Variants in LASP1 observed in about 807,000 individuals in gnomAD.
LASP1 encodes the protein LIM and SH3 domain protein 1.
A neutral mutation model predicts 38.6 loss-of-function variants in LASP1; 10 were observed. The ratio of observed to expected loss-of-function variants is 0.26; its 90% CI spans 0.16 to 0.44. The LOEUF (loss-of-function observed/expected upper bound fraction) is 0.44, where lower values mean the gene tolerates loss of function less well. Ranked by LOEUF, LASP1 falls within the 20% of genes least tolerant of loss-of-function variation. LASP1 has a pLI of 1.00. For synonymous variants in LASP1, 132 were observed against 140.8 expected (o/e 0.94, Z 0.44); for missense variants, 243 against 375.7 (o/e 0.65, Z 2.92).
At position 38,870,234 on chromosome 17, in the gene LASP1, G is replaced by T; in HGVS notation, c.45G>T (p.Thr15=). Residue 15 remains threonine (T), a synonymous_variant, in exon 1 of 7, where the codon ACG becomes ACT. Transcript: ENST00000318008. ...GGTGCGGCAAGATCGTGTATCCCACGGAGAAGGTGAACTGTCTGGATAAGG... is the reference window on the plus strand; with the variant it reads ...GGTGCGGCAAGATCGTGTATCCCACTGAGAAGGTGAACTGTCTGGATAAGG... ...CARCGKIVYP[T]EKVNCLDKFW... The T allele has an allele frequency of 6.2e-7, 1 of 1,613,804 alleles. No individual in the cohort carries two copies. Among genetic ancestry groups the T allele is most frequent in the Admixed American group, 1.7e-5 (1 of 59,960 alleles).
chr17:38,913,646 G>T (rs1915020260), intron 4 of LASP1, among the ~76,000 whole-genome samples: 1 of 152,160 alleles, frequency 6.6e-6, no homozygotes, highest in Non-Finnish European at 1.5e-5. Context: ...ACGGGCTGCT[G>T]CTGTGGTTAC....
intron 4 of LASP1, among the ~76,000 whole-genome samples, chr17:38,913,173 G>T (rs1293046638): frequency 6.6e-6 from 1 of 152,224 alleles, no homozygotes; most frequent in East Asian, 1.9e-4. Flanking sequence ...TGGTCAAGGT[G>T]GGGGACTCTG....
chr17:38,914,224 G>A (rs1420750063), intron 4 of LASP1, 101 bp from the exon 5 acceptor site: 26 of 1,387,514 alleles, frequency 1.9e-5, no homozygotes, highest in Middle Eastern at 2.5e-4. Context: ...TGTACCCAAA[G>A]CTCTTGGGTA....
intron 3 of LASP1, among the ~76,000 whole-genome samples, chr17:38,891,999 G>A (rs1292637575): frequency 1.3e-5 from 2 of 152,070 alleles, no homozygotes; most frequent in Non-Finnish European, 2.9e-5. Context: ...TGAGGCGGGA[G>A]TATCACTTGA....
At chr17:38,871,942 G>A (rs750013079) in intron 1 of LASP1, among the ~76,000 whole-genome samples, 1 of 152,064 alleles carries the variant, frequency 6.6e-6, no homozygotes, top group Admixed American at 6.6e-5. Context: ...GGTTTCGCCC[G>A]CCCCTCGTGG....
chr17:38,902,545 C>T (rs1044798133), intron 4 of LASP1, among the ~76,000 whole-genome samples: 15 of 152,108 alleles, frequency 9.9e-5, no homozygotes, highest in African/African-American at 3.1e-4. Flanking sequence ...GCTAAGTTGT[C>T]CCAACCTCCT....
intron 2 of LASP1, among the ~76,000 whole-genome samples, chr17:38,881,117 CAAACT>C: frequency 6.6e-6 from 1 of 151,770 alleles, no homozygotes; most frequent in South Asian, 2.1e-4. Flanking sequence ...AACAAACAAA[CAAACT>C]AAAGATAAAA....
At chr17:38,886,098 C>G (rs1015801249) in intron 2 of LASP1, among the ~76,000 whole-genome samples, 1 of 151,846 alleles carries the variant, frequency 6.6e-6, no homozygotes, top group Non-Finnish European at 1.5e-5. Flanking sequence ...CTCTCTCTCA[C>G]TCATTCTCTC....
chr17:38,893,451 G>A (rs1009770520), intron 3 of LASP1, among the ~76,000 whole-genome samples: 4 of 152,186 alleles, frequency 2.6e-5, no homozygotes, highest in Admixed American at 6.5e-5. Flanking sequence ...GGAGTGTACC[G>A]ACCCTGTTTG....
At chr17:38,884,742 G>A (rs1914063886) in intron 2 of LASP1, among the ~76,000 whole-genome samples, 1 of 143,330 alleles carries the variant, frequency 7.0e-6, no homozygotes, top group Non-Finnish European at 1.5e-5. Flanking sequence ...CCAGGTGGAA[G>A]TGCAGAGGTG....
In LASP1 at chr17:38,898,718, A is replaced by G. The variant is rs1368884135; in HGVS notation, c.357+199A>G. ...GTACCCCCAGACCACCAGCACGCAT[A>G]GCATTTTCTTCTTGAAGGGACTGTA... On this transcript the variant is annotated intron_variant, in intron 4 of 6. Coordinates refer to ENST00000318008, the MANE Select transcript of LASP1 (RefSeq NM_006148.4). 3 of 650,100 alleles carry G rather than the reference A, an allele frequency of 4.6e-6. No homozygotes were observed. The African/African-American group carries it at 5.3e-5, about 12-fold the overall frequency. 40.3% of individuals were successfully genotyped at this position (650,100 alleles called of 1,614,324 possible). A position where few individuals can be genotyped will look rare whatever the true frequency, so the allele number is the denominator to read the frequency against.
At chr17:38,898,725 T>G (rs1567700707) in intron 4 of LASP1, 1 of 640,978 alleles carries the variant, frequency 1.6e-6, no homozygotes, top group Non-Finnish European at 2.9e-6. Flanking sequence ...CATAGCATTT[T>G]CTTCTTGAAG....
At chr17:38,898,070 CA>C (rs1229228258) in intron 3 of LASP1, among the ~76,000 whole-genome samples, 1 of 152,198 alleles carries the variant, frequency 6.6e-6, no homozygotes, top group Non-Finnish European at 1.5e-5. Flanking sequence ...TGACCTTGGG[CA>C]GGGGACTTTG....
At chr17:38,909,606 CAA>C (rs980117636) in intron 4 of LASP1, among the ~76,000 whole-genome samples, 1 of 136,032 alleles carries the variant, frequency 7.4e-6, no homozygotes, top group Non-Finnish European at 1.6e-5. Context: ...GACTCCATCT[CAA>C]AAAAAAAAAA....
chr17:38,905,683 G>A (rs965542433), intron 4 of LASP1, among the ~76,000 whole-genome samples: 1 of 152,098 alleles, frequency 6.6e-6, no homozygotes, highest in Non-Finnish European at 1.5e-5. Context: ...CATTTTGATC[G>A]TGTAGAGTGT....
chr17:38,899,919 AG>A (rs1214583274), intron 4 of LASP1, among the ~76,000 whole-genome samples: 2 of 151,790 alleles, frequency 1.3e-5, no homozygotes, highest in Non-Finnish European at 2.9e-5. Context: ...TGGTAGAGAC[AG>A]GGTTTCACCA....
intron 4 of LASP1, among the ~76,000 whole-genome samples, chr17:38,907,679 G>C (rs902708696): frequency 8.5e-5 from 13 of 152,196 alleles, no homozygotes; most frequent in Admixed American, 7.9e-4. Context: ...AGCCACCCAG[G>C]AAGGGTGTCC....
Position 38,914,436 on chromosome 17 carries a change from G to GAGC in LASP1, c.479_481dup (p.Gln160dup), listed in dbSNP as rs763459202. On this transcript the variant is annotated inframe_insertion, in exon 5 of 7. Transcript: ENST00000318008. ...CGGCAGCAGCTACCGGCGGCCCCTG[G>GAGC]AGCAGCAGCAGCCTCACCACATCCC... is the stretch of plus-strand genomic sequence containing the variant. 1 of 1,611,060 alleles carries GAGC rather than the reference G, an allele frequency of 6.2e-7. No homozygotes were observed. The highest frequency in any genetic ancestry group is 1.3e-5 in the African/African-American group (1 of 74,974).
In LASP1 at chr17:38,921,381, A is replaced by ATG. The variant is rs1915294052; in HGVS notation, c.*2605_*2606dup. The ATG allele has an allele frequency of 4.3e-6, 1 of 232,364 alleles. No individual in the cohort carries two copies. Among genetic ancestry groups the ATG allele is most frequent in the Admixed American group, 5.6e-5 (1 of 17,718 alleles). The allele number at this position is 232,364 out of a possible 1,614,324, so 14.4% of individuals were successfully genotyped here. On this transcript the variant is annotated 3_prime_UTR_variant, in exon 7 of 7. Transcript: ENST00000318008. ...CACTGCCTCCTGTTTTCTCCCTCTC[A>ATG]TGTCCCTCCAGGGAAAATGACTTTA...
Sources: allele counts gnomAD v4.1 joint callset (sites outside exome capture counted in the v4.1 genomes callset), GRCh38; gene constraint gnomAD v4.1.1; transcripts MANE v1.5; gene names NCBI Gene and HGNC (gene_info 2026-07-23, HGNC 2026-07-21).